SYMPK: variants seen among roughly 807,000 people sequenced by gnomAD.
SYMPK encodes the protein symplekin.
A neutral mutation model predicts 136.4 loss-of-function variants in SYMPK; 49 were observed. The ratio of observed to expected loss-of-function variants is 0.36; its 90% CI spans 0.29 to 0.46. The LOEUF is 0.46. SYMPK is among the 20% of genes least tolerant of loss of function. The pLI, the probability that SYMPK is intolerant of heterozygous loss-of-function variation, is 1.00. For synonymous variants in SYMPK, 766 were observed against 713.0 expected, an observed-to-expected ratio of 1.07 and a Z score of -1.19; for missense variants, 1,365 against 1,690.0, an observed-to-expected ratio of 0.81 and a Z score of 3.37.
chr19:45,835,075 C>T lies in SYMPK; in HGVS notation c.1393+3G>A, dbSNP rs770676902. 9.4e-6 allele frequency: 15 copies of T among 1,593,474 alleles called. No individual in the cohort carries two copies. Among genetic ancestry groups the T allele is most frequent in the Admixed American group, 3.5e-5 (2 of 57,506 alleles). ...GCCCAGGTTAGGGCCAGGACACACTCACCTGGTCCCAGTCCGGCAGCTGTC... is the reference window on the plus strand; with the variant it reads ...GCCCAGGTTAGGGCCAGGACACACTTACCTGGTCCCAGTCCGGCAGCTGTC... On this transcript the variant is annotated splice_donor_region_variant and intron_variant, in intron 11 of 26. Coordinates refer to ENST00000245934, the MANE Select transcript of SYMPK (RefSeq NM_004819.3).
chr19:45,839,529 CAA>C (rs1456236558), intron 9 of SYMPK, among the ~76,000 whole-genome samples: 1 of 152,128 alleles, frequency 6.6e-6, no homozygotes, highest in Non-Finnish European at 1.5e-5. Flanking sequence ...TAGACTCAGG[CAA>C]CAATCATCAC....
In SYMPK at chr19:45,862,805, G is replaced by A. The variant is rs1276726266; in HGVS notation, c.-13+253C>T. Among the ~76,000 whole-genome samples, 8 of 152,376 alleles carry A rather than the reference G, an allele frequency of 5.3e-5. No individual in the cohort carries two copies. The South Asian group carries it at 1.2e-3, about 24-fold the overall frequency. On this transcript the variant is annotated intron_variant, in intron 1 of 26. Coordinates refer to ENST00000245934, the MANE Select transcript of SYMPK (RefSeq NM_004819.3). ...CCGAAAGGCCAGGGCGGCTGTTAGA[G>A]GTGGGGGAAAAAGCAAAGAGGCCGA...
intron 10 of SYMPK, among the ~76,000 whole-genome samples, chr19:45,835,638 G>T (rs1183263269): frequency 2.0e-5 from 3 of 152,276 alleles, no homozygotes; most frequent in Non-Finnish European, 4.4e-5. Flanking sequence ...GAGGCCAGGT[G>T]CAGTGGGTCA....
At chr19:45,857,371 C>T (rs1403528831) in intron 1 of SYMPK, among the ~76,000 whole-genome samples, 1 of 119,702 alleles carries the variant, frequency 8.4e-6, no homozygotes, top group Non-Finnish European at 1.6e-5. Flanking sequence ...GATCACAACA[C>T]TGTACTCGAG....
intron 22 of SYMPK, chr19:45,819,208 T>TC (rs1015731763): frequency 6.6e-6 from 1 of 151,376 alleles, no homozygotes; most frequent in Admixed American, 6.6e-5. Context: ...CACCTGGGCC[T>TC]CCCCCGAGCC....
intron 1 of SYMPK, among the ~76,000 whole-genome samples, chr19:45,857,421 A>C (rs192883354): frequency 0.12 from 18,229 of 146,280 alleles, 1,287 homozygotes; most frequent in Admixed American, 0.16. Flanking sequence ...AAAAAAAAAA[A>C]AAAAAAAAAA....
intron 7 of SYMPK, among the ~76,000 whole-genome samples, chr19:45,847,238 G>A (rs1304675231): frequency 6.6e-6 from 1 of 151,920 alleles, no homozygotes; most frequent in African/African-American, 2.4e-5. Flanking sequence ...CCAATATGGT[G>A]AAACCCTGCT....
At chr19:45,835,885 C>G (rs1033518729) in intron 10 of SYMPK, among the ~76,000 whole-genome samples, 10 of 151,454 alleles carry the variant, frequency 6.6e-5, no homozygotes, top group African/African-American at 2.4e-4. Context: ...GCACTCCAGC[C>G]TGGGTGACAG....
intron 2 of SYMPK, 69 bp downstream of exon 2, chr19:45,854,322 C>A: frequency 6.2e-7 from 1 of 1,606,610 alleles, no homozygotes; most frequent in Non-Finnish European, 8.5e-7. Flanking sequence ...AGGGCTCTGC[C>A]ACCTAAACAG....
At chr19:45,828,910 G>T in intron 14 of SYMPK, 60 bp downstream of exon 14, 1 of 1,530,434 alleles carries the variant, frequency 6.5e-7, no homozygotes, top group Non-Finnish European at 9.0e-7. Flanking sequence ...CAGAAAGGGA[G>T]GGCAGCACCA....
intron 9 of SYMPK, among the ~76,000 whole-genome samples, chr19:45,840,993 T>C (rs1056011724): frequency 2.7e-5 from 4 of 149,082 alleles, no homozygotes; most frequent in African/African-American, 9.8e-5. Context: ...ATAAATTCCT[T>C]TTTTTTTTTT....
chr19:45,851,691 T>C (rs527934389), intron 5 of SYMPK, among the ~76,000 whole-genome samples: 18 of 151,736 alleles, frequency 1.2e-4, no homozygotes, highest in Admixed American at 5.2e-4. Flanking sequence ...CTGGCCAACA[T>C]TGCAAAACCC....
chr19:45,838,329 A>G (rs562382698), intron 10 of SYMPK, 132 bp downstream of exon 10: 26 of 1,169,538 alleles, frequency 2.2e-5, no homozygotes, highest in Non-Finnish European at 2.8e-5. Flanking sequence ...CTGTAAGCCA[A>G]TTAAACCCCT....
chr19:45,820,757 G>T lies in SYMPK; in HGVS notation c.2893+627C>A, dbSNP rs560352714. The T allele has an allele frequency of 1.4e-4, 27 of 189,428 alleles. No individual in the cohort carries two copies. In the South Asian group the frequency reaches 4.8e-3, roughly 33 times the overall value. 11.7% of individuals were successfully genotyped at this position (189,428 alleles called of 1,614,324 possible). Reference sequence around the variant, plus strand: ...TCTGTTTCTTCTACCACACCACTTAGCTTCTGCTTGGCCCTGAGTAAGTCA... The same window carrying T: ...TCTGTTTCTTCTACCACACCACTTATCTTCTGCTTGGCCCTGAGTAAGTCA... On this transcript the variant is annotated intron_variant, in intron 22 of 26. Coordinates refer to ENST00000245934, the MANE Select transcript of SYMPK (RefSeq NM_004819.3).
At chr19:45,829,367 G>A (rs1030496841) in intron 13 of SYMPK, among the ~76,000 whole-genome samples, 162 bp from the exon 14 acceptor site, 13 of 151,810 alleles carry the variant, frequency 8.6e-5, no homozygotes, top group Non-Finnish European at 1.3e-4. Context: ...GGAAGGTCCC[G>A]TTTGTGTGTT....
intron 3 of SYMPK, 65 bp downstream of exon 3, chr19:45,854,110 C>A (rs528236943): frequency 6.6e-7 from 1 of 1,513,342 alleles, no homozygotes; most frequent in South Asian, 1.1e-5. Flanking sequence ...CTGCAAGTGT[C>A]TTTCTCAGGT....
At chr19:45,831,793 T>C (rs1274669155) in intron 11 of SYMPK, among the ~76,000 whole-genome samples, 2 of 152,182 alleles carry the variant, frequency 1.3e-5, no homozygotes. Context: ...CATTCATTGC[T>C]GGGGGGAGCA....
chr19:45,827,425 G>A (rs1438231158), intron 16 of SYMPK, 85 bp downstream of exon 16: 3 of 892,024 alleles, frequency 3.4e-6, no homozygotes, highest in East Asian at 2.6e-5. Flanking sequence ...AGGGAGTGTG[G>A]AAGACGTGGG....
At position 45,821,257 on chromosome 19, in the gene SYMPK, G is replaced by A. The variant is rs772794830; in HGVS notation, c.2893+127C>T. ...GGAGGGAGGGAGGTGGCTCTCCAGA[G>A]CTCTGAGGTGGGGCTGTGAGTGACA... On this transcript the variant is annotated intron_variant, in intron 22 of 26. Transcript: ENST00000245934. The surrounding 1 kb of genome is among the most constrained non-coding windows in gnomAD (Gnocchi z 4.4). The A allele has an allele frequency of 4.6e-5, 35 of 764,020 alleles. No individual in the cohort carries two copies. Among genetic ancestry groups the A allele is most frequent in the Middle Eastern group, 4.5e-4 (2 of 4,456 alleles). 47.3% of individuals were successfully genotyped at this position (764,020 alleles called of 1,614,324 possible).
Sources: gnomAD v4.1 joint callset for allele counts (sites outside exome capture counted in the v4.1 genomes callset) on GRCh38, gnomAD v4.1.1 for gene constraint, Gnocchi (gnomAD v3.1) non-coding constraint, MANE v1.5 for transcripts, NCBI Gene and HGNC (gene_info 2026-07-23, HGNC 2026-07-21) for gene names.